Variants in PTPRG observed in about 807,000 individuals in gnomAD.
PTPRG encodes protein tyrosine phosphatase receptor type G.
PTPRG carries 102 observed loss-of-function variants against 165.3 expected under a neutral mutation model. The observed-to-expected ratio is 0.62, with a 90% confidence interval of 0.53 to 0.73. The LOEUF (loss-of-function observed/expected upper bound fraction) is 0.73. Among genes scored for constraint, PTPRG ranks in the 30% least tolerant of loss-of-function variants. PTPRG has a pLI of 0.00. For synonymous variants in PTPRG, 675 were observed against 669.5 expected, an observed-to-expected ratio of 1.01 and a Z score of -0.13; for missense variants, 1,866 against 1,861.4, an observed-to-expected ratio of 1.00 and a Z score of -0.05.
chr3:61,818,596 T>A (rs2035859765), intron 2 of PTPRG, among the ~76,000 whole-genome samples: 2 of 152,068 alleles, frequency 1.3e-5, no homozygotes, highest in Non-Finnish European at 2.9e-5. Context: ...CCTGGGAGTT[T>A]GAGATAGCAG....
In PTPRG at chr3:62,009,316, G is replaced by C. The variant is rs144058379; in HGVS notation, c.519+5819G>C. 8.5e-4 allele frequency among the ~76,000 whole-genome samples: 130 copies of C among 152,206 alleles called. No individual in the cohort carries two copies. In the East Asian group the frequency reaches 0.019, roughly 22 times the overall value. On this transcript the variant is annotated intron_variant, in intron 4 of 29. Transcript: ENST00000474889. Reference sequence around the variant, plus strand: ...CCAGTACTTCTCTCTTCCTCCTCCTGTCTTTGTCTTCATATTGTGCAGCAT... The same window carrying C: ...CCAGTACTTCTCTCTTCCTCCTCCTCTCTTTGTCTTCATATTGTGCAGCAT...
intron 1 of PTPRG, among the ~76,000 whole-genome samples, chr3:61,616,523 G>C (rs937756087): frequency 1.3e-5 from 2 of 152,150 alleles, no homozygotes; most frequent in Non-Finnish European, 2.9e-5. Flanking sequence ...ATCCCACTGT[G>C]TGTTGGAATA....
intron 15 of PTPRG, among the ~76,000 whole-genome samples, chr3:62,248,430 A>C (rs1013156008): frequency 3.9e-5 from 6 of 152,186 alleles, no homozygotes; most frequent in Non-Finnish European, 5.9e-5. Flanking sequence ...GAATGCAGTA[A>C]CACAGCTGTC....
intron 4 of PTPRG, among the ~76,000 whole-genome samples, chr3:62,051,913 A>G (rs1353657453): frequency 6.6e-6 from 1 of 152,186 alleles, no homozygotes; most frequent in African/African-American, 2.4e-5. Flanking sequence ...TGCATTTTAT[A>G]TATGCCTATT....
At chr3:61,601,346 G>A (rs1700862534) in intron 1 of PTPRG, among the ~76,000 whole-genome samples, 1 of 152,190 alleles carries the variant, frequency 6.6e-6, no homozygotes, top group African/African-American at 2.4e-5. Flanking sequence ...ACCTTTCTGA[G>A]TTGAGTTAAC....
chr3:62,286,962 T>C (rs965693481), intron 28 of PTPRG, among the ~76,000 whole-genome samples: 11 of 152,276 alleles, frequency 7.2e-5, no homozygotes, highest in African/African-American at 1.7e-4. Context: ...TCTGTGCATT[T>C]GATTGATTTG....
intron 4 of PTPRG, among the ~76,000 whole-genome samples, chr3:62,076,662 G>A (rs567839396): frequency 7.6e-4 from 115 of 151,392 alleles, no homozygotes; most frequent in Non-Finnish European, 1.4e-3. Flanking sequence ...GCTCACCGCA[G>A]CATCCGCCTC....
At chr3:61,688,227 G>A (rs1387034157) in intron 1 of PTPRG, among the ~76,000 whole-genome samples, 1 of 152,184 alleles carries the variant, frequency 6.6e-6, no homozygotes, top group African/African-American at 2.4e-5. Context: ...TATTTACAGG[G>A]TATTAGGCAA....
In PTPRG at chr3:62,276,046, C is replaced by T. The variant is rs919698573; in HGVS notation, c.3559+80C>T. 11 of 1,009,260 alleles carry T rather than the reference C, an allele frequency of 1.1e-5. No homozygotes were observed. In the African/African-American group the frequency reaches 1.6e-4, roughly 15 times the overall value. 62.5% of individuals were successfully genotyped at this position (1,009,260 alleles called of 1,614,324 possible). A position where few individuals can be genotyped will look rare whatever the true frequency, so the allele number is the denominator to read the frequency against. On this transcript the variant is annotated intron_variant, in intron 24 of 29. Coordinates refer to ENST00000474889, the MANE Select transcript of PTPRG (RefSeq NM_002841.4). ...TACAGAGGCAGCCACTACTCTGATGCTATTGATAGCACCCTTCAATTGTAC... is the reference window on the plus strand; with the variant it reads ...TACAGAGGCAGCCACTACTCTGATGTTATTGATAGCACCCTTCAATTGTAC...
At chr3:61,713,407 G>A (rs1157217264) in intron 1 of PTPRG, among the ~76,000 whole-genome samples, 2 of 150,232 alleles carry the variant, frequency 1.3e-5, no homozygotes, top group South Asian at 2.1e-4. Flanking sequence ...TCCTGACCTC[G>A]TGATCCACCC....
At chr3:61,570,027 C>G (rs1700020007) in intron 1 of PTPRG, among the ~76,000 whole-genome samples, 1 of 152,200 alleles carries the variant, frequency 6.6e-6, no homozygotes. Flanking sequence ...AATTCCTCTT[C>G]TCAGGCTTTA....
chr3:62,083,224 G>C (rs1701638300), intron 5 of PTPRG, among the ~76,000 whole-genome samples: 1 of 151,116 alleles, frequency 6.6e-6, no homozygotes, highest in Non-Finnish European at 1.5e-5. Context: ...TTATTATTTG[G>C]TTGGTGCAAT....
chr3:62,235,128 A>G (rs950558123), intron 14 of PTPRG, among the ~76,000 whole-genome samples: 2 of 152,196 alleles, frequency 1.3e-5, no homozygotes, highest in Non-Finnish European at 2.9e-5. Flanking sequence ...ATACTGAAAA[A>G]TATGTGCAGT....
intron 8 of PTPRG, among the ~76,000 whole-genome samples, chr3:62,175,028 T>A (rs1705361578): frequency 6.6e-6 from 1 of 152,202 alleles, no homozygotes; most frequent in Non-Finnish European, 1.5e-5. Context: ...TCAAGACCCT[T>A]GGAACATCCT....
intron 28 of PTPRG, among the ~76,000 whole-genome samples, chr3:62,288,845 T>C (rs184538352): frequency 1.2e-4 from 18 of 152,278 alleles, no homozygotes; most frequent in African/African-American, 3.4e-4. Context: ...CCATGAGCTG[T>C]TGATCATTAT....
At chr3:62,095,358 A>G (rs1702075648) in intron 5 of PTPRG, among the ~76,000 whole-genome samples, 1 of 152,162 alleles carries the variant, frequency 6.6e-6, no homozygotes, top group South Asian at 2.1e-4. Context: ...CTCGCTGTGG[A>G]CTTAGGAGGC....
At chr3:61,565,537 C>T (rs1178024851) in intron 1 of PTPRG, among the ~76,000 whole-genome samples, 1 of 152,016 alleles carries the variant, frequency 6.6e-6, no homozygotes, top group Non-Finnish European at 1.5e-5. Context: ...ATTTAATTGC[C>T]TCTGACACAG....
chr3:62,010,462 C>A (rs1175733191), intron 4 of PTPRG, among the ~76,000 whole-genome samples: 1 of 151,556 alleles, frequency 6.6e-6, no homozygotes, highest in Non-Finnish European at 1.5e-5. Flanking sequence ...AACCTTTAGT[C>A]CATATTCCTT....
intron 1 of PTPRG, among the ~76,000 whole-genome samples, chr3:61,581,757 G>T (rs563754602): frequency 2.1e-3 from 325 of 151,714 alleles, no homozygotes; most frequent in African/African-American, 7.6e-3. Flanking sequence ...TTAGAGGCAC[G>T]CGCCACCACG....
Sources: gnomAD v4.1 joint callset for allele counts (sites outside exome capture counted in the v4.1 genomes callset) on GRCh38, gnomAD v4.1.1 for gene constraint, MANE v1.5 for transcripts, NCBI Gene and HGNC (gene_info 2026-07-23, HGNC 2026-07-21) for gene names.